The following H1-2 variants were observed in gnomAD, a reference collection of about 807,000 sequenced individuals.
H1-2 encodes H1.2 linker histone, cluster member.
H1-2 carries 7 observed loss-of-function variants against 7.2 expected under a neutral mutation model. The observed-to-expected ratio is 0.97, with a 90% CI of 0.55 to 1.82. The LOEUF is 1.82. Among genes scored for constraint, H1-2 ranks in the 40% most tolerant of loss-of-function variants. The probability of loss-of-function intolerance (pLI) is 0.00; values close to 1 mark genes in which losing one functional copy is unlikely to be tolerated. For missense variants in H1-2, 703 were observed against 276.6 expected (o/e 2.54, Z -10.94); for synonymous variants, 300 against 118.2 (o/e 2.54, Z -9.98).
rs1320781357 is a variant in H1-2, at chr6:26,055,865, A to T, written c.564T>A (p.Ser188Arg). The change falls in exon 1 of 1, where the codon AGT becomes AGA. Residue 188 changes from serine to arginine, a missense_variant. Coordinates refer to ENST00000343677, the MANE Select transcript of H1-2 (RefSeq NM_005319.4). ...CCTTGGGCTTCACAGCCTTAGCAGC[A>T]CTTTTGGCAGCTTTCTTGGGCTTCG... is the stretch of plus-strand genomic sequence containing the variant. ...KVAKPKKAAK[S>R]AAKAVKPKAA... 1.2e-6 allele frequency: 2 copies of T among 1,614,068 alleles called. No homozygotes were observed. Among genetic ancestry groups the T allele is most frequent in the Admixed American group, 3.3e-5 (2 of 60,026 alleles).
rs1350182689 is a variant in H1-2, at chr6:26,055,842, T to G, written c.587A>C (p.Lys196Thr). 2 of 1,613,620 alleles carry G rather than the reference T, an allele frequency of 1.2e-6. No individual in the cohort carries two copies. Among genetic ancestry groups the G allele is most frequent in the Admixed American group, 1.7e-5 (1 of 59,896 alleles). The change falls in exon 1 of 1, where the codon AAG becomes ACG. Residue 196 changes from lysine (K) to threonine (T), a missense_variant. Transcript: ENST00000343677. ...CTTGACAACCTTGGGCTTAGCGGCC[T>G]TGGGCTTCACAGCCTTAGCAGCACT... Reference protein sequence around the residue: ...AKSAAKAVKPKAAKPKVVKPK... With the variant: ...AKSAAKAVKPTAAKPKVVKPK...
rs1561927269 is a variant in H1-2 at position 26,056,052 on chromosome 6, G to C, written c.377C>G (p.Thr126Ser). The change falls in exon 1 of 1, where the codon ACC becomes AGC. Residue 126 changes from threonine to serine, a missense_variant. Coordinates refer to ENST00000343677, the MANE Select transcript of H1-2 (RefSeq NM_005319.4). ...TGCCCCAACTGGCTTCTTAGGTTTGGTTCCGCCCGCCTTTTTAACCTTGGG... is the reference window on the plus strand; with the variant it reads ...TGCCCCAACTGGCTTCTTAGGTTTGCTTCCGCCCGCCTTTTTAACCTTGGG... ...AKPKVKKAGG[T>S]KPKKPVGAAK... The C allele has an allele frequency of 6.2e-7, 1 of 1,614,116 alleles. No individual in the cohort carries two copies. Among genetic ancestry groups the C allele is most frequent in the Non-Finnish European group, 8.5e-7 (1 of 1,180,034 alleles).
Position 26,055,767 on chromosome 6 carries a change from T to C in H1-2, c.*20A>G. On this transcript the variant is annotated 3_prime_UTR_variant, in exon 1 of 1. Transcript: ENST00000343677. ...GTGGCTCTGAAAAGAGCCTTTTGGG[T>C]TTTAGAAGTAGGCGTTCGCCTATTT... 6.3e-7 allele frequency: 1 copy of C among 1,576,582 alleles called. No homozygotes were observed. The highest frequency in any genetic ancestry group is 8.6e-7 in the Non-Finnish European group (1 of 1,168,368).
At position 26,056,251 on chromosome 6, in the gene H1-2, C is replaced by T. The variant is rs1371538329; in HGVS notation, c.178G>A (p.Ala60Thr). 3.1e-6 allele frequency: 5 copies of T among 1,614,102 alleles called. No individual in the cohort carries two copies. The highest frequency in any genetic ancestry group is 3.4e-6 in the Non-Finnish European group (4 of 1,180,044). The change falls in exon 1 of 1, where the codon GCT becomes ACT. Residue 60 changes from alanine to threonine, a missense_variant. Coordinates refer to ENST00000343677, the MANE Select transcript of H1-2 (RefSeq NM_005319.4). ...GCAGCCAACGCTTTTTTCAGAGCAGCCAGAGAAACTCCGCTACGCTCTTTA... is the reference window on the plus strand; with the variant it reads ...GCAGCCAACGCTTTTTTCAGAGCAGTCAGAGAAACTCCGCTACGCTCTTTA... ...ASKERSGVSL[A>T]ALKKALAAAG...
rs200023478 is a variant in H1-2, at chr6:26,056,437, T to C, written c.-9A>G. On this transcript the variant is annotated 5_prime_UTR_variant, in exon 1 of 1. Coordinates refer to ENST00000343677, the MANE Select transcript of H1-2 (RefSeq NM_005319.4). Reference sequence around the variant, plus strand: ...GGAGCAGTCTCGGACATGTTGAGAATCAAAAACTCGGGTACAAGTGGCAAA... The same window carrying C: ...GGAGCAGTCTCGGACATGTTGAGAACCAAAAACTCGGGTACAAGTGGCAAA... 3.2e-4 allele frequency: 495 copies of C among 1,560,110 alleles called. 2 individuals carry two copies. In the South Asian group the frequency reaches 5.0e-3, roughly 16 times the overall value.
In H1-2 at chr6:26,056,384, C is replaced by T. The variant is rs559787041; in HGVS notation, c.45G>A (p.Ala15=). The change falls in exon 1 of 1, where the codon GCG becomes GCA. Residue 15 remains alanine (A), a synonymous_variant. Coordinates refer to ENST00000343677, the MANE Select transcript of H1-2 (RefSeq NM_005319.4). ...APAAPAAAPP[A]EKAPVKKKAA... ...CCTTCTTCTTTACAGGGGCCTTCTC[C>T]GCAGGAGGCGCGGCAGCGGGAGCGG... The T allele has an allele frequency of 1.0e-5, 16 of 1,603,276 alleles. No individual in the cohort carries two copies. The African/African-American group carries it at 1.2e-4, about 12-fold the overall frequency.
In H1-2 at chr6:26,056,060, C is replaced by A. The variant is rs139785289; in HGVS notation, c.369G>T (p.Ala123=). The stretch of plus-strand genomic sequence containing the variant: ...CTGGCTTCTTAGGTTTGGTTCCGCC[C>A]GCCTTTTTAACCTTGGGCTTGGCTT... ...SGEAKPKVKK[A]GGTKPKKPVG... is the part of the protein sequence containing the mutation. The change falls in exon 1 of 1, where the codon GCG becomes GCT. Residue 123 remains alanine (A), a synonymous_variant. Transcript: ENST00000343677. 5 of 1,614,130 alleles carry A rather than the reference C, an allele frequency of 3.1e-6. No individual in the cohort carries two copies. In the South Asian group the frequency reaches 4.4e-5, roughly 14 times the overall value.
Position 26,056,038 on chromosome 6 carries a change from G to A in H1-2, c.391C>T (p.Pro131Ser), listed in dbSNP as rs773416444. 1.2e-6 allele frequency: 2 copies of A among 1,613,964 alleles called. No homozygotes were observed. The highest frequency in any genetic ancestry group is 2.2e-5 in the East Asian group (1 of 44,880). Reference sequence around the variant, plus strand: ...TTGGGCTTCTTGGCTGCCCCAACTGGCTTCTTAGGTTTGGTTCCGCCCGCC... The same window carrying A: ...TTGGGCTTCTTGGCTGCCCCAACTGACTTCTTAGGTTTGGTTCCGCCCGCC... ...KKAGGTKPKKPVGAAKKPKKA... is the reference protein window; with the variant it reads ...KKAGGTKPKKSVGAAKKPKKA... The change falls in exon 1 of 1, where the codon CCA (proline) becomes TCA (serine). Residue 131 changes from proline to serine, a missense_variant. By Grantham distance (74) the Pro-to-Ser change is moderately conservative. Coordinates refer to ENST00000343677, the MANE Select transcript of H1-2 (RefSeq NM_005319.4).
At position 26,056,310 on chromosome 6, in the gene H1-2, A is replaced by G. The variant is rs754218788; in HGVS notation, c.119T>C (p.Val40Ala). Residue 40 changes from valine (V) to alanine (A), a missense_variant, in exon 1 of 1, where the codon GTG becomes GCG. Val to Ala is a moderately conservative substitution (Grantham distance 64). Transcript: ENST00000343677. ...GTPRKASGPP[V>A]SELITKAVAA... ...CACAGCCTTGGTGATGAGCTCTGACACCGGGGGACCAGACGCCTTACGAGG... is the reference window on the plus strand; with the variant it reads ...CACAGCCTTGGTGATGAGCTCTGACGCCGGGGGACCAGACGCCTTACGAGG... 1 of 1,614,030 alleles carries G rather than the reference A, an allele frequency of 6.2e-7. No homozygotes were observed. Among genetic ancestry groups the G allele is most frequent in the East Asian group, 2.2e-5 (1 of 44,846 alleles).
rs374185042 is a variant in H1-2, at chr6:26,056,446, C to G, written c.-18G>C. 1.5e-5 allele frequency: 24 copies of G among 1,551,736 alleles called. No individual in the cohort carries two copies. In the Admixed American group the frequency reaches 2.7e-4, roughly 18 times the overall value. The stretch of plus-strand genomic sequence containing the variant: ...TCGGACATGTTGAGAATCAAAAACT[C>G]GGGTACAAGTGGCAAAGCGCCGATG... On this transcript the variant is annotated 5_prime_UTR_variant, in exon 1 of 1. Coordinates refer to ENST00000343677, the MANE Select transcript of H1-2 (RefSeq NM_005319.4).
rs1374161310 is a variant in H1-2, at chr6:26,056,090, G to C, written c.339C>G (p.Ser113=). Reference sequence around the variant, plus strand: ...TTTTAACCTTGGGCTTGGCTTCCCCGGAGGCTGCCTTCTTGTTGAGTTTAA... The same window carrying C: ...TTTTAACCTTGGGCTTGGCTTCCCCCGAGGCTGCCTTCTTGTTGAGTTTAA... The part of the protein sequence containing the change: ...GSFKLNKKAA[S]GEAKPKVKKA... Residue 113 remains serine (S), a synonymous_variant, in exon 1 of 1, where the codon TCC becomes TCG. Coordinates refer to ENST00000343677, the MANE Select transcript of H1-2 (RefSeq NM_005319.4). 1.9e-6 allele frequency: 3 copies of C among 1,614,028 alleles called. No homozygotes were observed. The highest frequency in any genetic ancestry group is 2.5e-6 in the Non-Finnish European group (3 of 1,180,026).
In H1-2 at chr6:26,056,023, T is replaced by A; in HGVS notation, c.406A>T (p.Lys136Ter). Residue 136 changes from lysine (K) to a stop codon, truncating the protein, a stop_gained, in exon 1 of 1, where the codon AAG becomes TAG. Transcript: ENST00000343677. LOFTEE classifies it high-confidence loss of function. ...TKPKKPVGAA[K>*]KPKKAAGGAT... is the part of the protein sequence containing the mutation. Reference sequence around the variant, plus strand: ...CCGCCAGCCGCCTTCTTGGGCTTCTTGGCTGCCCCAACTGGCTTCTTAGGT... The same window carrying A: ...CCGCCAGCCGCCTTCTTGGGCTTCTAGGCTGCCCCAACTGGCTTCTTAGGT... 1 of 1,614,124 alleles carries A rather than the reference T, an allele frequency of 6.2e-7. No individual in the cohort carries two copies. The highest frequency in any genetic ancestry group is 8.5e-7 in the Non-Finnish European group (1 of 1,180,020).
Position 26,056,258 on chromosome 6 carries a change from A to T in H1-2, c.171T>A (p.Val57=), listed in dbSNP as rs771518592. 6.2e-7 allele frequency: 1 copy of T among 1,614,204 alleles called. No homozygotes were observed. Among genetic ancestry groups the T allele is most frequent in the African/African-American group, 1.3e-5 (1 of 75,056 alleles). ...ACGCTTTTTTCAGAGCAGCCAGAGA[A>T]ACTCCGCTACGCTCTTTAGAGGCGG... ...AVAASKERSG[V]SLAALKKALA... is the part of the protein sequence containing the mutation. The change falls in exon 1 of 1, where the codon GTT becomes GTA. Residue 57 remains valine, a synonymous_variant. Coordinates refer to ENST00000343677, the MANE Select transcript of H1-2 (RefSeq NM_005319.4).
Position 26,056,249 on chromosome 6 carries a change from A to C in H1-2, c.180T>G (p.Ala60=), listed in dbSNP as rs41266787. ...ASKERSGVSL[A]ALKKALAAAG... ...CGGCAGCCAACGCTTTTTTCAGAGC[A>C]GCCAGAGAAACTCCGCTACGCTCTT... The change falls in exon 1 of 1, where the codon GCT becomes GCG. Residue 60 remains alanine, a synonymous_variant. Transcript: ENST00000343677. The C allele has an allele frequency of 0.01, 16,522 of 1,614,206 alleles. 145 individuals carry two copies. The highest frequency in any genetic ancestry group is 0.043 in the African/African-American group (3,241 of 75,058).
At position 26,056,121 on chromosome 6, in the gene H1-2, C is replaced by T. The variant is rs201295771; in HGVS notation, c.308G>A (p.Gly103Asp). 1 of 1,614,218 alleles carries T rather than the reference C, an allele frequency of 6.2e-7. No individual in the cohort carries two copies. Among genetic ancestry groups the T allele is most frequent in the Non-Finnish European group, 8.5e-7 (1 of 1,180,032 alleles). Residue 103 changes from glycine to aspartate, a missense_variant, in exon 1 of 1, where the codon GGC becomes GAC. Physicochemically the swap from Gly to Asp is moderately conservative, Grantham distance 94. Transcript: ENST00000343677. ...LVQTKGTGAS[G>D]SFKLNKKAAS... ...TGCCTTCTTGTTGAGTTTAAAGGAG[C>T]CAGAAGCACCGGTGCCTTTCGTTTG...
At position 26,056,340 on chromosome 6, in the gene H1-2, C is replaced by T. The variant is rs41266789; in HGVS notation, c.89G>A (p.Gly30Asp). The change falls in exon 1 of 1, where the codon GGT becomes GAT. Residue 30 changes from glycine to aspartate, a missense_variant. Physicochemically the swap from Gly to Asp is moderately conservative, Grantham distance 94. Coordinates refer to ENST00000343677, the MANE Select transcript of H1-2 (RefSeq NM_005319.4). Reference sequence around the variant, plus strand: ...GGGACCAGACGCCTTACGAGGCGTACCCCCAGCCTTTTTGGCCGCCTTCTT... The same window carrying T: ...GGGACCAGACGCCTTACGAGGCGTATCCCCAGCCTTTTTGGCCGCCTTCTT... ...VKKKAAKKAG[G>D]TPRKASGPPV... The T allele has an allele frequency of 8.4e-5, 135 of 1,613,370 alleles. No homozygotes were observed. The highest frequency in any genetic ancestry group is 1.0e-4 in the Admixed American group (6 of 59,930).
In H1-2 at chr6:26,056,357, C is replaced by T. The variant is rs1313672687; in HGVS notation, c.72G>A (p.Ala24=). 6.8e-6 allele frequency: 11 copies of T among 1,613,282 alleles called. No individual in the cohort carries two copies. Among genetic ancestry groups the T allele is most frequent in the Admixed American group, 6.7e-5 (4 of 59,852 alleles). ...GAGGCGTACCCCCAGCCTTTTTGGC[C>T]GCCTTCTTCTTTACAGGGGCCTTCT... is the stretch of plus-strand genomic sequence containing the variant. ...PAEKAPVKKK[A]AKKAGGTPRK... Residue 24 remains alanine (A), a synonymous_variant, in exon 1 of 1, where the codon GCG becomes GCA. Coordinates refer to ENST00000343677, the MANE Select transcript of H1-2 (RefSeq NM_005319.4).
In H1-2 at chr6:26,056,005, C is replaced by T. The variant is rs774761285; in HGVS notation, c.424G>A (p.Ala142Thr). ...VGAAKKPKKAAGGATPKKSAK... is the reference protein window; with the variant it reads ...VGAAKKPKKATGGATPKKSAK... Reference sequence around the variant, plus strand: ...CTCTTCTTCGGAGTTGCGCCGCCAGCCGCCTTCTTGGGCTTCTTGGCTGCC... The same window carrying T: ...CTCTTCTTCGGAGTTGCGCCGCCAGTCGCCTTCTTGGGCTTCTTGGCTGCC... Residue 142 changes from alanine to threonine, a missense_variant, in exon 1 of 1, where the codon GCT becomes ACT. Ala to Thr is a moderately conservative substitution (Grantham distance 58). Coordinates refer to ENST00000343677, the MANE Select transcript of H1-2 (RefSeq NM_005319.4). 1.2e-6 allele frequency: 2 copies of T among 1,614,064 alleles called. No homozygotes were observed. The highest frequency in any genetic ancestry group is 1.7e-4 in the Middle Eastern group (1 of 5,986).
In H1-2 at chr6:26,055,998, C is replaced by T. The variant is rs1383675761; in HGVS notation, c.431G>A (p.Gly144Asp). Reference protein sequence around the residue: ...AAKKPKKAAGGATPKKSAKKT... With the variant: ...AAKKPKKAAGDATPKKSAKKT... ...CTTAGCGCTCTTCTTCGGAGTTGCG[C>T]CGCCAGCCGCCTTCTTGGGCTTCTT... The change falls in exon 1 of 1, where the codon GGC (glycine) becomes GAC (aspartate). Residue 144 changes from glycine to aspartate, a missense_variant. By Grantham distance (94) the Gly-to-Asp change is moderately conservative. Transcript: ENST00000343677. 2 of 1,614,032 alleles carry T rather than the reference C, an allele frequency of 1.2e-6. No individual in the cohort carries two copies. Among genetic ancestry groups the T allele is most frequent in the Non-Finnish European group, 1.7e-6 (2 of 1,180,028 alleles).
Sources: allele counts gnomAD v4.1 joint callset, GRCh38; gene constraint gnomAD v4.1.1; transcripts MANE v1.5; gene names NCBI Gene and HGNC (gene_info 2026-07-23, HGNC 2026-07-21).